The following PLXDC2 variants were observed in gnomAD, a reference collection of about 807,000 sequenced individuals.
PLXDC2 encodes the protein plexin domain containing 2, also known as plexin domain-containing protein 2.
A neutral mutation model predicts 68.9 loss-of-function variants in PLXDC2; 40 were observed. The observed-to-expected ratio is 0.58, with a 90% confidence interval of 0.45 to 0.76. PLXDC2 has a LOEUF of 0.76. Among genes scored for constraint, PLXDC2 ranks in the 30% least tolerant of loss-of-function variants. The pLI, the probability that PLXDC2 is intolerant of heterozygous loss-of-function variation, is 0.00. For missense variants in PLXDC2, 644 were observed against 661.9 expected (o/e 0.97, Z 0.30); for synonymous variants, 243 against 234.2 (o/e 1.04, Z -0.34).
intron 1 of PLXDC2, among the ~76,000 whole-genome samples, chr10:19,821,611 G>A (rs1259046841): frequency 6.6e-6 from 1 of 152,218 alleles, no homozygotes; most frequent in East Asian, 1.9e-4. Flanking sequence ...TTGTTGGACT[G>A]AACTGAACTG....
chr10:19,924,911 T>A (rs1833514038), intron 1 of PLXDC2, among the ~76,000 whole-genome samples: 1 of 152,216 alleles, frequency 6.6e-6, no homozygotes, highest in African/African-American at 2.4e-5. Flanking sequence ...CCCATTTTAT[T>A]ACCATCTATA....
In PLXDC2 at chr10:19,822,295, A is replaced by G. The variant is rs1487308266; in HGVS notation, c.112+5104A>G. Among the ~76,000 whole-genome samples, 3 of 149,870 alleles carry G rather than the reference A, an allele frequency of 2.0e-5. No homozygotes were observed. The Admixed American group carries it at 2.0e-4, about 10-fold the overall frequency. The stretch of plus-strand genomic sequence containing the variant: ...AATATATGCACTATATATGCAATAT[A>G]TATAATATATATGCACTATATATGG... On this transcript the variant is annotated intron_variant, in intron 1 of 13. Coordinates refer to ENST00000377252, the MANE Select transcript of PLXDC2 (RefSeq NM_032812.9).
chr10:20,148,870 T>C (rs889827471), intron 6 of PLXDC2, among the ~76,000 whole-genome samples: 7 of 152,220 alleles, frequency 4.6e-5, no homozygotes, highest in African/African-American at 1.7e-4. Flanking sequence ...TCTTCTGAAA[T>C]CCATCTATTC....
chr10:20,139,768 A>G (rs1179717730), intron 4 of PLXDC2, among the ~76,000 whole-genome samples: 1 of 146,876 alleles, frequency 6.8e-6, no homozygotes, highest in South Asian at 2.2e-4. Flanking sequence ...AAAACCAAAC[A>G]CTGCATGTTC....
intron 1 of PLXDC2, among the ~76,000 whole-genome samples, chr10:19,916,990 A>G (rs1176775521): frequency 6.6e-6 from 1 of 152,208 alleles, no homozygotes; most frequent in Non-Finnish European, 1.5e-5. Flanking sequence ...AAGTATTATG[A>G]AAAGAGTTTG....
chr10:20,050,424 C>T (rs1835876244), intron 3 of PLXDC2, among the ~76,000 whole-genome samples: 4 of 152,090 alleles, frequency 2.6e-5, no homozygotes, highest in Admixed American at 2.6e-4. Context: ...GGTAAAGAGA[C>T]ATCCTACAGA....
chr10:20,148,255 T>G (rs1441435084), intron 6 of PLXDC2, among the ~76,000 whole-genome samples: 2 of 120,648 alleles, frequency 1.7e-5, no homozygotes, highest in African/African-American at 7.0e-5. Flanking sequence ...TTACGTATTT[T>G]CTTTAGTTAG....
intron 1 of PLXDC2, among the ~76,000 whole-genome samples, chr10:19,847,214 G>A (rs976704344): frequency 5.9e-5 from 9 of 152,264 alleles, no homozygotes; most frequent in African/African-American, 1.9e-4. Flanking sequence ...AGATAATACA[G>A]CATTTCATAG....
chr10:19,889,474 A>T (rs1837910160), intron 1 of PLXDC2, among the ~76,000 whole-genome samples: 1 of 152,188 alleles, frequency 6.6e-6, no homozygotes, highest in Admixed American at 6.5e-5. Context: ...ATAGTGTCCT[A>T]GTGCCCTCAA....
At chr10:19,934,982 G>A (rs536178629) in intron 1 of PLXDC2, among the ~76,000 whole-genome samples, 6 of 152,274 alleles carry the variant, frequency 3.9e-5, no homozygotes, top group African/African-American at 1.2e-4. Flanking sequence ...CATCAATGCC[G>A]GCCTTGATAA....
At chr10:20,150,734 T>C (rs1834141915) in intron 6 of PLXDC2, among the ~76,000 whole-genome samples, 1 of 152,218 alleles carries the variant, frequency 6.6e-6, no homozygotes, top group Non-Finnish European at 1.5e-5. Context: ...TGTGTTCTTA[T>C]TGTGGCTTCG....
At chr10:19,995,975 A>C (rs1252763557) in intron 1 of PLXDC2, among the ~76,000 whole-genome samples, 1 of 152,204 alleles carries the variant, frequency 6.6e-6, no homozygotes, top group Non-Finnish European at 1.5e-5. Context: ...GAACATAGGC[A>C]TGATGGGGAC....
intron 9 of PLXDC2, among the ~76,000 whole-genome samples, chr10:20,195,287 C>T (rs372441436): frequency 9.9e-5 from 15 of 152,166 alleles, no homozygotes; most frequent in African/African-American, 2.6e-4. Context: ...GGACAGAGCT[C>T]GAAGATCAGT....
intron 1 of PLXDC2, among the ~76,000 whole-genome samples, chr10:19,965,726 G>A (rs1030818206): frequency 6.8e-6 from 1 of 147,884 alleles, no homozygotes; most frequent in South Asian, 2.3e-4. Context: ...TTTGGGGGGG[G>A]GGGTTACATA....
chr10:20,144,331 T>G (rs773242616), intron 5 of PLXDC2, among the ~76,000 whole-genome samples: 11 of 152,196 alleles, frequency 7.2e-5, no homozygotes, highest in African/African-American at 1.2e-4. Context: ...TGGAATAGAC[T>G]TGATGGTAGC....
chr10:20,013,690 G>C (rs1047142944), intron 2 of PLXDC2, among the ~76,000 whole-genome samples: 4 of 152,114 alleles, frequency 2.6e-5, no homozygotes, highest in Non-Finnish European at 4.4e-5. Flanking sequence ...CCTTCCCAAA[G>C]AACTGAAAAC....
intron 2 of PLXDC2, among the ~76,000 whole-genome samples, chr10:20,042,239 T>G (rs1835695773): frequency 6.6e-6 from 1 of 152,178 alleles, no homozygotes; most frequent in Non-Finnish European, 1.5e-5. Context: ...ATCGTGTCCT[T>G]TTGGTTTCTT....
At chr10:20,174,908 A>T (rs1397026661) in intron 7 of PLXDC2, among the ~76,000 whole-genome samples, 1 of 152,152 alleles carries the variant, frequency 6.6e-6, no homozygotes, top group African/African-American at 2.4e-5. Flanking sequence ...GAACACTTCT[A>T]CTAAAAGGTA....
At chr10:20,164,446 T>C (rs1044289021) in intron 6 of PLXDC2, 22 bp from the exon 7 acceptor site, 1 of 1,567,266 alleles carries the variant, frequency 6.4e-7, no homozygotes, top group Admixed American at 1.7e-5. Context: ...AACATATAGT[T>C]ACCTGCTTTG....
Sources: gnomAD v4.1 joint callset for allele counts (sites outside exome capture counted in the v4.1 genomes callset) on GRCh38, gnomAD v4.1.1 for gene constraint, MANE v1.5 for transcripts, NCBI Gene and HGNC (gene_info 2026-07-23, HGNC 2026-07-21) for gene names.